The following DCDC2C variants were observed in gnomAD, a reference collection of about 807,000 sequenced individuals.
DCDC2C encodes the protein doublecortin domain containing 2C.
DCDC2C carries 44 observed loss-of-function variants against 45.0 expected under a neutral mutation model. That is an observed-to-expected ratio of 0.98 (90% CI 0.77 to 1.26). DCDC2C has a LOEUF of 1.26. Ranked by LOEUF, DCDC2C falls within the 50% of genes most tolerant of loss-of-function variation. The pLI, the probability that DCDC2C is intolerant of heterozygous loss-of-function variation, is 0.00. For missense variants in DCDC2C, 447 were observed against 468.9 expected (o/e 0.95, Z 0.43); for synonymous variants, 187 against 178.8 (o/e 1.05, Z -0.37).
intron 10 of DCDC2C, among the ~76,000 whole-genome samples, chr2:3,816,951 G>A (rs909662399): frequency 2.0e-5 from 3 of 152,244 alleles, no homozygotes; most frequent in Non-Finnish European, 4.4e-5. Context: ...CTAGCGGCTT[G>A]TAACCTACAT....
At position 3,823,820 on chromosome 2, in the gene DCDC2C, CTTTATATTAT is replaced by C. The variant is rs138881968; in HGVS notation, c.1066-23333_1066-23324del. 3.7e-3 allele frequency among the ~76,000 whole-genome samples: 556 copies of C among 151,996 alleles called. 3 individuals carry two copies. The highest frequency in any genetic ancestry group is 0.021 in the East Asian group (111 of 5,176). On this transcript the variant is annotated intron_variant, in intron 10 of 10. Coordinates refer to ENST00000399143, the MANE Select transcript of DCDC2C (RefSeq NM_001287444.2). Reference sequence around the variant, plus strand: ...AACTGTAATTTTCATCTTTGTTTCTCTTTATATTATGTGTCTGCAGTTACTGCATGGTGTT... The same window carrying C: ...AACTGTAATTTTCATCTTTGTTTCTCGTGTCTGCAGTTACTGCATGGTGTT...
intron 3 of DCDC2C, among the ~76,000 whole-genome samples, chr2:3,730,076 T>C (rs1380489226): frequency 1.3e-5 from 2 of 152,138 alleles, no homozygotes; most frequent in Admixed American, 1.3e-4. Context: ...CAGGAGGAGC[T>C]GAGAGACAGC....
chr2:3,753,296 G>A (rs1480953341), intron 5 of DCDC2C, among the ~76,000 whole-genome samples: 1 of 152,182 alleles, frequency 6.6e-6, no homozygotes. Context: ...TTTGTGCTGG[G>A]TGTCAGTCTC....
intron 4 of DCDC2C, among the ~76,000 whole-genome samples, chr2:3,748,502 G>A (rs927093941): frequency 2.0e-5 from 3 of 152,140 alleles, no homozygotes; most frequent in Admixed American, 6.5e-5. Context: ...GTGGGAGGAG[G>A]AACAGGTTTT....
At chr2:3,725,463 TGCCCGGTGG>T (rs2148070228) in intron 2 of DCDC2C, among the ~76,000 whole-genome samples, 1 of 103,380 alleles carries the variant, frequency 9.7e-6, no homozygotes, top group Admixed American at 1.1e-4. Context: ...GGGAGGAGGC[TGCCCGGTGG>T]ATCCCAGAGG....
At chr2:3,822,190 G>T (rs968897092) in intron 10 of DCDC2C, among the ~76,000 whole-genome samples, 1 of 152,164 alleles carries the variant, frequency 6.6e-6, no homozygotes, top group African/African-American at 2.4e-5. Context: ...GTATTCCATT[G>T]TGTGTTAATT....
intron 4 of DCDC2C, among the ~76,000 whole-genome samples, chr2:3,747,568 GC>G (rs1345691238): frequency 6.6e-6 from 1 of 152,242 alleles, no homozygotes. Flanking sequence ...GTCTTGCCTG[GC>G]CCAGGGAGTA....
At chr2:3,753,933 A>T (rs772209191) in intron 5 of DCDC2C, among the ~76,000 whole-genome samples, 1 of 152,088 alleles carries the variant, frequency 6.6e-6, no homozygotes, top group Non-Finnish European at 1.5e-5. Flanking sequence ...TCTTGATTTT[A>T]TTGACTTAAT....
intron 2 of DCDC2C, among the ~76,000 whole-genome samples, chr2:3,715,177 C>T (rs948673677): frequency 4.6e-5 from 7 of 152,144 alleles, no homozygotes; most frequent in African/African-American, 1.7e-4. Flanking sequence ...GAAATCTCTA[C>T]ATGTCAAGCA....
At position 3,820,484 on chromosome 2, in the gene DCDC2C, C is replaced by T. The variant is rs180684860; in HGVS notation, c.1066-26670C>T. The stretch of plus-strand genomic sequence containing the variant: ...AGGCATCCCCGCAATCGACTTGCCA[C>T]CAAGGGAATGTGGGTGAATGACCAA... On this transcript the variant is annotated intron_variant, in intron 10 of 10. Transcript: ENST00000399143. 2.6e-5 allele frequency among the ~76,000 whole-genome samples: 4 copies of T among 152,186 alleles called. No homozygotes were observed. The East Asian group carries it at 7.7e-4, about 29-fold the overall frequency.
intron 10 of DCDC2C, among the ~76,000 whole-genome samples, chr2:3,839,887 C>T (rs1029108286): frequency 2.6e-5 from 4 of 152,210 alleles, no homozygotes; most frequent in African/African-American, 9.6e-5. Flanking sequence ...TTAATTATGC[C>T]GATAGAAACT....
At chr2:3,808,180 C>G (rs190027793) in intron 10 of DCDC2C, among the ~76,000 whole-genome samples, 1 of 152,186 alleles carries the variant, frequency 6.6e-6, no homozygotes, top group African/African-American at 2.4e-5. Flanking sequence ...GATCTGCAGC[C>G]TCACCAGCAG....
At chr2:3,733,748 A>G (rs1489287352) in intron 3 of DCDC2C, among the ~76,000 whole-genome samples, 1 of 152,132 alleles carries the variant, frequency 6.6e-6, no homozygotes, top group Admixed American at 6.5e-5. Flanking sequence ...TCGTGATTGA[A>G]TCACCTTTTA....
intron 10 of DCDC2C, among the ~76,000 whole-genome samples, chr2:3,839,665 C>T (rs1345719770): frequency 1.3e-5 from 2 of 152,200 alleles, no homozygotes; most frequent in Non-Finnish European, 2.9e-5. Flanking sequence ...CAGATTTCCT[C>T]AGCTGCTGCT....
At chr2:3,759,929 C>T (rs1322539644) in intron 6 of DCDC2C, among the ~76,000 whole-genome samples, 2 of 152,214 alleles carry the variant, frequency 1.3e-5, no homozygotes, top group African/African-American at 4.8e-5. Context: ...TAACTGCTGC[C>T]GTCAAGGCAA....
intron 10 of DCDC2C, among the ~76,000 whole-genome samples, chr2:3,811,469 G>C (rs1045992752): frequency 6.6e-6 from 1 of 152,156 alleles, no homozygotes; most frequent in African/African-American, 2.4e-5. Context: ...TCAGTTTATG[G>C]AATTTTTGGG....
intron 4 of DCDC2C, among the ~76,000 whole-genome samples, chr2:3,743,855 G>A (rs546025184): frequency 1.3e-5 from 2 of 152,164 alleles, no homozygotes; most frequent in Non-Finnish European, 2.9e-5. Flanking sequence ...ATCACCTGAA[G>A]TCAGGAGTTC....
chr2:3,829,292 T>C (rs1198620732), intron 10 of DCDC2C, among the ~76,000 whole-genome samples: 3 of 151,686 alleles, frequency 2.0e-5, no homozygotes, highest in Admixed American at 6.6e-5. Flanking sequence ...TTCTTTTTTT[T>C]TTTTTTTTGC....
chr2:3,806,629 G>A (rs59403432), intron 10 of DCDC2C, among the ~76,000 whole-genome samples: 8,034 of 150,482 alleles, frequency 0.053, 722 homozygotes, highest in African/African-American at 0.19. Flanking sequence ...TGCAACCTCC[G>A]CCTCCTGGGT....
Sources: allele counts gnomAD v4.1 joint callset (sites outside exome capture counted in the v4.1 genomes callset), GRCh38; gene constraint gnomAD v4.1.1; transcripts MANE v1.5; gene names NCBI Gene and HGNC (gene_info 2026-07-23, HGNC 2026-07-21).